Variants in ARFGEF3 observed in about 807,000 individuals in gnomAD.
ARFGEF3 encodes the protein brefeldin A-inhibited guanine nucleotide-exchange protein 3.
ARFGEF3 carries 96 observed loss-of-function variants against 221.7 expected under a neutral mutation model. The observed-to-expected ratio is 0.43, with a 90% CI of 0.37 to 0.51. ARFGEF3 has a LOEUF of 0.51. ARFGEF3 is among the 20% of genes least tolerant of loss of function. The probability of loss-of-function intolerance (pLI) is 0.00; values close to 1 mark genes in which losing one functional copy is unlikely to be tolerated. For missense variants in ARFGEF3, 2,410 were observed against 2,789.9 expected (o/e 0.86, Z 3.07); for synonymous variants, 1,145 against 1,126.8 (o/e 1.02, Z -0.32).
At chr6:138,323,795 C>T (rs1314057187) in intron 30 of ARFGEF3, 22 bp downstream of exon 30, 49 of 1,609,758 alleles carry the variant, frequency 3.0e-5, no homozygotes, top group Non-Finnish European at 4.2e-5. Context: ...GGAGGAAGCC[C>T]TCCCTGGCAC....
Position 138,185,447 on chromosome 6 carries a change from G to A in ARFGEF3, c.137+14734G>A, listed in dbSNP as rs550648396. Among the ~76,000 whole-genome samples, 65 of 152,258 alleles carry A rather than the reference G, an allele frequency of 4.3e-4. 3 individuals are homozygous for A. In the South Asian group the frequency reaches 0.011, roughly 25 times the overall value. ...CTCCCTAAAGGAATGATCATGACCC[G>A]TAGGGATCCAGAGAAGGGAGGATAG... On this transcript the variant is annotated intron_variant, in intron 2 of 33. Coordinates refer to ENST00000251691, the MANE Select transcript of ARFGEF3 (RefSeq NM_020340.5).
At chr6:138,329,682 A>C in intron 32 of ARFGEF3, among the ~76,000 whole-genome samples, 1 of 152,150 alleles carries the variant, frequency 6.6e-6, no homozygotes, top group East Asian at 1.9e-4. Flanking sequence ...AACAAACAAA[A>C]AAACAAACTG....
Position 138,317,347 on chromosome 6 carries a change from T to G in ARFGEF3, c.4442T>G (p.Phe1481Cys). ...QHQPPTLDLLFELLRDVTKTP... is the reference protein window; with the variant it reads ...QHQPPTLDLLCELLRDVTKTP... The stretch of plus-strand genomic sequence containing the variant: ...CAACCACCAACTCTGGATTTACTCT[T>G]TGAGCTGTTGAGAGATGTGACGAAA... The change falls in exon 27 of 34, where the codon TTT becomes TGT. Residue 1481 changes from phenylalanine to cysteine, a missense_variant. Around this residue, in one of 5 missense-constraint regions of ARFGEF3, gnomAD observed 723 missense variants for 991.9 expected, o/e 0.73. Coordinates refer to ENST00000251691, the MANE Select transcript of ARFGEF3 (RefSeq NM_020340.5). 1 of 1,614,004 alleles carries G rather than the reference T, an allele frequency of 6.2e-7. No individual in the cohort carries two copies. The highest frequency in any genetic ancestry group is 8.5e-7 in the Non-Finnish European group (1 of 1,179,880).
intron 15 of ARFGEF3, among the ~76,000 whole-genome samples, chr6:138,286,436 C>T (rs1439231992): frequency 2.9e-5 from 4 of 136,100 alleles, no homozygotes; most frequent in African/African-American, 5.6e-5. Context: ...GGTGACAGAA[C>T]GAGACTCCGT....
At chr6:138,303,804 G>C (rs1345055643) in intron 22 of ARFGEF3, among the ~76,000 whole-genome samples, 2 of 140,990 alleles carry the variant, frequency 1.4e-5, no homozygotes, top group Admixed American at 7.7e-5. Flanking sequence ...AGAGGTTGCA[G>C]TGAGCCAAGA....
In ARFGEF3 at chr6:138,168,429, G is replaced by A. The variant is rs77005808; in HGVS notation, c.86-2233G>A. ...GGCTGGAGCGACGGGAGAGAAGTAG[G>A]AAGTGAGGACCAGATCATGAAAGTC... On this transcript the variant is annotated intron_variant, in intron 1 of 33. Coordinates refer to ENST00000251691, the MANE Select transcript of ARFGEF3 (RefSeq NM_020340.5). 3.9e-3 allele frequency among the ~76,000 whole-genome samples: 593 copies of A among 152,334 alleles called. 4 individuals carry two copies. The highest frequency in any genetic ancestry group is 0.013 in the African/African-American group (559 of 41,570).
intron 26 of ARFGEF3, 72 bp downstream of exon 26, chr6:138,314,011 AAGTAC>A: frequency 6.8e-7 from 1 of 1,469,400 alleles, no homozygotes; most frequent in Non-Finnish European, 9.4e-7. Context: ...GTCATAAATG[AAGTAC>A]CTTAAGCTTC....
At chr6:138,181,499 A>G (rs964305160) in intron 2 of ARFGEF3, among the ~76,000 whole-genome samples, 1 of 152,192 alleles carries the variant, frequency 6.6e-6, no homozygotes, top group African/African-American at 2.4e-5. Context: ...GCTGGAGTAC[A>G]GTGGTGTGAT....
intron 2 of ARFGEF3, among the ~76,000 whole-genome samples, chr6:138,182,264 A>ATG (rs1777091128): frequency 6.6e-6 from 1 of 152,230 alleles, no homozygotes; most frequent in African/African-American, 2.4e-5. Context: ...GACTTAATAC[A>ATG]GAAGATTTTT....
Position 138,186,902 on chromosome 6 carries a change from CTTTTTTTTTTT to C in ARFGEF3, c.137+16209_137+16219del, listed in dbSNP as rs71693484. Among the ~76,000 whole-genome samples, 690 of 76,164 alleles carry C rather than the reference CTTTTTTTTTTT, an allele frequency of 9.1e-3. 3 individuals are homozygous for C. Among genetic ancestry groups the C allele is most frequent in the Non-Finnish European group, 0.013 (569 of 42,958 alleles). 50.0% of individuals were successfully genotyped at this position (76,164 alleles called of 152,430 possible). A position where few individuals can be genotyped will look rare whatever the true frequency, so the allele number is the denominator to read the frequency against. ...ACGAGTTATTCCTCTCATCCTTTTT[CTTTTTTTTTTT>C]TTTTTTTTTTTTTTTTTTTGAGACA... On this transcript the variant is annotated intron_variant, in intron 2 of 33. Transcript: ENST00000251691.
chr6:138,244,978 G>T (rs1358630734), intron 7 of ARFGEF3, among the ~76,000 whole-genome samples: 1 of 152,078 alleles, frequency 6.6e-6, no homozygotes, highest in East Asian at 1.9e-4. Flanking sequence ...TTTTCTTTCT[G>T]GACTATCTTT....
At chr6:138,237,090 ATGTTC>A (rs1217128579) in intron 5 of ARFGEF3, among the ~76,000 whole-genome samples, 2 of 151,948 alleles carry the variant, frequency 1.3e-5, no homozygotes, top group East Asian at 3.9e-4. Context: ...AAAAAAAATT[ATGTTC>A]ACCTAGTTAA....
chr6:138,279,662 C>T (rs1779161633), intron 13 of ARFGEF3, among the ~76,000 whole-genome samples: 1 of 152,244 alleles, frequency 6.6e-6, no homozygotes, highest in South Asian at 2.1e-4. Context: ...CGTTCCACCT[C>T]TGCTTCTGTT....
At chr6:138,198,737 A>G (rs1173543752) in intron 2 of ARFGEF3, among the ~76,000 whole-genome samples, 1 of 152,228 alleles carries the variant, frequency 6.6e-6, no homozygotes, top group East Asian at 1.9e-4. Flanking sequence ...TCTCATAACT[A>G]CACACCAACT....
intron 12 of ARFGEF3, among the ~76,000 whole-genome samples, chr6:138,270,463 CAT>C (rs1554254857): frequency 2.1e-4 from 26 of 123,892 alleles, no homozygotes; most frequent in Admixed American, 7.7e-4. Flanking sequence ...CACACACACA[CAT>C]ATATATATCT....
Position 138,271,899 on chromosome 6 carries a change from G to A in ARFGEF3, c.2129-6552G>A, listed in dbSNP as rs941309813. 2.0e-5 allele frequency among the ~76,000 whole-genome samples: 3 copies of A among 152,236 alleles called. No homozygotes were observed. The East Asian group carries it at 5.8e-4, about 29-fold the overall frequency. On this transcript the variant is annotated intron_variant, in intron 12 of 33. Transcript: ENST00000251691. ...TGTTCTTCACATGCTTCTCTTAGAG[G>A]ATTTTTAATTATCTAGGAGATGCTG...
At position 138,323,776 on chromosome 6, in the gene ARFGEF3, A is replaced by G; in HGVS notation, c.4869+3A>G. 1.9e-6 allele frequency: 3 copies of G among 1,612,072 alleles called. No individual in the cohort carries two copies. Among genetic ancestry groups the G allele is most frequent in the Non-Finnish European group, 2.5e-6 (3 of 1,178,198 alleles). On this transcript the variant is annotated splice_donor_region_variant and intron_variant, in intron 30 of 33. Coordinates refer to ENST00000251691, the MANE Select transcript of ARFGEF3 (RefSeq NM_020340.5). Reference sequence around the variant, plus strand: ...CTGCCACACTCAAGCCAGTGAAGGTACATCACTGGGAGGAAGCCCTCCCTG... The same window carrying G: ...CTGCCACACTCAAGCCAGTGAAGGTGCATCACTGGGAGGAAGCCCTCCCTG...
intron 2 of ARFGEF3, 138 bp downstream of exon 2, chr6:138,170,851 T>C: frequency 1.8e-6 from 1 of 561,690 alleles, no homozygotes. Context: ...TGATTTATAA[T>C]GAACAGAGAT....
intron 5 of ARFGEF3, among the ~76,000 whole-genome samples, chr6:138,234,674 T>G (rs991050217): frequency 2.0e-5 from 3 of 152,180 alleles, no homozygotes; most frequent in Non-Finnish European, 4.4e-5. Flanking sequence ...CTGGTTCTAA[T>G]GTGTTCAAGA....
Sources: allele counts gnomAD v4.1 joint callset (sites outside exome capture counted in the v4.1 genomes callset), GRCh38; gene constraint gnomAD v4.1.1; regional missense constraint gnomAD v4.1.1; transcripts MANE v1.5; gene names NCBI Gene and HGNC (gene_info 2026-07-23, HGNC 2026-07-21).